Variants in SNRNP48 observed in about 807,000 individuals in gnomAD.
The protein encoded by SNRNP48 is U11/U12 small nuclear ribonucleoprotein 48 kDa protein.
In SNRNP48, 43 loss-of-function variants were observed where a neutral mutation model predicts 47.0. That is an observed-to-expected ratio of 0.92 (90% CI 0.72 to 1.18). The LOEUF (loss-of-function observed/expected upper bound fraction) is 1.18. SNRNP48 is among the 50% of genes most tolerant of loss of function. SNRNP48 has a pLI of 0.00. For synonymous variants in SNRNP48, 138 were observed against 144.0 expected (o/e 0.96, Z 0.30); for missense variants, 396 against 422.2 (o/e 0.94, Z 0.54).
intron 6 of SNRNP48, among the ~76,000 whole-genome samples, chr6:7,604,341 A>G (rs556501360): frequency 3.2e-4 from 49 of 152,346 alleles, no homozygotes; most frequent in African/African-American, 1.1e-3. Context: ...TCCGGGTGGA[A>G]GAACTAGCAT....
Position 7,605,437 on chromosome 6 carries a change from A to G in SNRNP48, c.757A>G (p.Ser253Gly), listed in dbSNP as rs1760108053. The change falls in exon 7 of 9, where the codon AGC becomes GGC. Residue 253 changes from serine to glycine, a missense_variant. Ser to Gly is a moderately conservative substitution (Grantham distance 56). Transcript: ENST00000342415. ...GATAAATGTGCACATGGAAGAACTC[A>G]GCAATCATTGGCAAGAAGAGCAAGA... is the stretch of plus-strand genomic sequence containing the variant. ...DVINVHMEEL[S>G]NHWQEEQEKA... The G allele has an allele frequency of 1.9e-5, 30 of 1,614,056 alleles. No individual in the cohort carries two copies. Among genetic ancestry groups the G allele is most frequent in the Non-Finnish European group, 2.5e-5 (29 of 1,180,018 alleles).
At chr6:7,597,810 T>G (rs1759929588) in intron 4 of SNRNP48, among the ~76,000 whole-genome samples, 1 of 152,046 alleles carries the variant, frequency 6.6e-6, no homozygotes, top group African/African-American at 2.4e-5. Flanking sequence ...TAAGAGGAAC[T>G]TTAATTTTGA....
chr6:7,607,980 C>T (rs1347747135), intron 8 of SNRNP48, among the ~76,000 whole-genome samples: 2 of 152,136 alleles, frequency 1.3e-5, no homozygotes, highest in Non-Finnish European at 1.5e-5. Context: ...AACTATAGTG[C>T]TTCTTCTACT....
intron 4 of SNRNP48, chr6:7,599,689 A>G (rs899905056): frequency 7.8e-7 from 1 of 1,285,040 alleles, no homozygotes; most frequent in Non-Finnish European, 1.0e-6. Context: ...GGGTGAGTAT[A>G]AAGAGGAATT....
chr6:7,601,121 C>T (rs1340652333), intron 4 of SNRNP48: 1 of 399,548 alleles, frequency 2.5e-6, no homozygotes, highest in East Asian at 4.4e-5. Context: ...TAGCAAACAT[C>T]CATAATACAT....
At position 7,608,903 on chromosome 6, in the gene SNRNP48, C is replaced by A; in HGVS notation, c.*30C>A. 7.8e-7 allele frequency: 1 copy of A among 1,278,516 alleles called. No individual in the cohort carries two copies. Among genetic ancestry groups the A allele is most frequent in the Non-Finnish European group, 1.1e-6 (1 of 924,842 alleles). 79.2% of individuals were successfully genotyped at this position (1,278,516 alleles called of 1,614,324 possible). On this transcript the variant is annotated 3_prime_UTR_variant, in exon 9 of 9. Coordinates refer to ENST00000342415, the MANE Select transcript of SNRNP48 (RefSeq NM_152551.4). The stretch of plus-strand genomic sequence containing the variant: ...AGTACTTGTACCTATATTAATTATG[C>A]TTACGCCATGATAACCAATATACAG...
rs1352148566 is a variant in SNRNP48 at position 7,603,004 on chromosome 6, G to A, written c.717+260G>A. Among the ~76,000 whole-genome samples, 4 of 152,292 alleles carry A rather than the reference G, an allele frequency of 2.6e-5. No individual in the cohort carries two copies. The East Asian group carries it at 5.8e-4, about 22-fold the overall frequency. On this transcript the variant is annotated intron_variant, in intron 6 of 8. Coordinates refer to ENST00000342415, the MANE Select transcript of SNRNP48 (RefSeq NM_152551.4). ...AAAGTAGTAGTGTATCATGGTAAGA[G>A]CATGAGTTTGGGTTTAGGTAGACCA...
chr6:7,595,205 T>C (rs1424524964), intron 4 of SNRNP48, 104 bp downstream of exon 4: 1 of 956,286 alleles, frequency 1.0e-6, no homozygotes, highest in Admixed American at 3.1e-5. Flanking sequence ...AACTGTTACA[T>C]GGGAAAGGTA....
chr6:7,597,915 G>T (rs1759933852), intron 4 of SNRNP48, among the ~76,000 whole-genome samples: 1 of 149,454 alleles, frequency 6.7e-6, no homozygotes, highest in Non-Finnish European at 1.5e-5. Context: ...GCCCAGGCTG[G>T]AGTTTAGTGG....
chr6:7,602,661 C>G lies in SNRNP48; in HGVS notation c.634C>G (p.Leu212Val). ...AAGTCCAAAATCCTACCTTGAAATC[C>G]TGGCAGAAGTACGAGATTATAAAAG... is the stretch of plus-strand genomic sequence containing the variant. ...RKSPKSYLEILAEVRDYKRRR... is the reference protein window; with the variant it reads ...RKSPKSYLEIVAEVRDYKRRR... Residue 212 changes from leucine to valine, a missense_variant, in exon 6 of 9, where the codon CTG becomes GTG. Leu to Val is a conservative substitution (Grantham distance 32). Transcript: ENST00000342415. The G allele has an allele frequency of 6.2e-7, 1 of 1,603,584 alleles. No individual in the cohort carries two copies. Among genetic ancestry groups the G allele is most frequent in the Non-Finnish European group, 8.5e-7 (1 of 1,175,970 alleles).
intron 4 of SNRNP48, among the ~76,000 whole-genome samples, 192 bp downstream of exon 4, chr6:7,595,293 G>C (rs932199733): frequency 1.3e-5 from 2 of 152,130 alleles, no homozygotes; most frequent in Admixed American, 1.3e-4. Flanking sequence ...AGATACACCA[G>C]AGTCTCACTA....
In SNRNP48 at chr6:7,594,148, C is replaced by T. The variant is rs1201142181; in HGVS notation, c.320C>T (p.Ser107Leu). The part of the protein sequence containing the change: ...EFFYENVKIP[S>L]ITLNKDSQFQ... ...TTCTATGAAAATGTGAAGATACCTT[C>T]GATTACTTTGAGTAAGTATTAAGTT... Residue 107 changes from serine (S) to leucine (L), a missense_variant, in exon 3 of 9, where the codon TCG (serine) becomes TTG (leucine). Physicochemically the swap from Ser to Leu is moderately radical, Grantham distance 145. Transcript: ENST00000342415. 8 of 1,384,726 alleles carry T rather than the reference C, an allele frequency of 5.8e-6. No individual in the cohort carries two copies. The highest frequency in any genetic ancestry group is 2.5e-5 in the East Asian group (1 of 39,776). 85.8% of individuals were successfully genotyped at this position (1,384,726 alleles called of 1,614,324 possible). A position where few individuals can be genotyped will look rare whatever the true frequency, so the allele number is the denominator to read the frequency against.
In SNRNP48 at chr6:7,601,400, T is replaced by C; in HGVS notation, c.471T>C (p.Thr157=). The C allele has an allele frequency of 6.3e-6, 10 of 1,599,978 alleles. No homozygotes were observed. The highest frequency in any genetic ancestry group is 8.5e-6 in the Non-Finnish European group (10 of 1,177,144). The change falls in exon 5 of 9, where the codon ACT becomes ACC. Residue 157 remains threonine, a synonymous_variant. Transcript: ENST00000342415. ...LNHKRFVCDL[T]QADRLALYDF... ...ACAAACGGTTTGTTTGTGATCTAAC[T>C]CAAGCTGATCGTCTTGCCCTCTATG...
At chr6:7,602,854 T>TG (rs1164004698) in intron 6 of SNRNP48, 110 bp downstream of exon 6, 26 of 943,226 alleles carry the variant, frequency 2.8e-5, no homozygotes, top group Non-Finnish European at 3.9e-5. Flanking sequence ...GTCTTCAGGG[T>TG]GGCCACACCT....
chr6:7,599,344 T>G (rs1759969255), intron 4 of SNRNP48, among the ~76,000 whole-genome samples: 1 of 152,130 alleles, frequency 6.6e-6, no homozygotes, highest in Admixed American at 6.5e-5. Context: ...GTTCTAGAGA[T>G]GGATAGAGGT....
intron 7 of SNRNP48, 34 bp downstream of exon 7, chr6:7,605,520 C>G: frequency 4.5e-6 from 7 of 1,560,224 alleles, no homozygotes; most frequent in Non-Finnish European, 6.2e-6. Flanking sequence ...AAAATACTCT[C>G]TCTTTGATAA....
chr6:7,599,450 C>A (rs1759972640), intron 4 of SNRNP48, among the ~76,000 whole-genome samples: 1 of 152,070 alleles, frequency 6.6e-6, no homozygotes. Flanking sequence ...CCACAAAAAA[C>A]CTGCAAAAAC....
rs1760223867 is a variant in SNRNP48 at position 7,610,971 on chromosome 6, A to G, written c.*2098A>G. 6.6e-6 allele frequency: 1 copy of G among 152,222 alleles called. No homozygotes were observed. Among genetic ancestry groups the G allele is most frequent in the Non-Finnish European group, 1.5e-5 (1 of 68,044 alleles). 9.4% of individuals were successfully genotyped at this position (152,222 alleles called of 1,614,324 possible). On this transcript the variant is annotated 3_prime_UTR_variant, in exon 9 of 9. Coordinates refer to ENST00000342415, the MANE Select transcript of SNRNP48 (RefSeq NM_152551.4). Reference sequence around the variant, plus strand: ...AAAAGCATTTTCACAGCCCTGCCACATAAGATCTAGTTTTTATTTCTAGAG... The same window carrying G: ...AAAAGCATTTTCACAGCCCTGCCACGTAAGATCTAGTTTTTATTTCTAGAG...
rs1760108552 is a variant in SNRNP48, at chr6:7,605,471, A to C, written c.791A>C (p.Glu264Ala). 1 of 1,614,058 alleles carries C rather than the reference A, an allele frequency of 6.2e-7. No homozygotes were observed. The highest frequency in any genetic ancestry group is 8.5e-7 in the Non-Finnish European group (1 of 1,179,938). Residue 264 changes from glutamate to alanine, a missense_variant, in exon 7 of 9, where the codon GAG (glutamate) becomes GCG (alanine). Coordinates refer to ENST00000342415, the MANE Select transcript of SNRNP48 (RefSeq NM_152551.4). The part of the protein sequence containing the change: ...NHWQEEQEKA[E>A]DDAEKNEERR... ...TGGCAAGAAGAGCAAGAGAAGGCAG[A>C]GGATGATGCCGAAAAGTACGTCATT...
Sources: allele counts gnomAD v4.1 joint callset (sites outside exome capture counted in the v4.1 genomes callset), GRCh38; gene constraint gnomAD v4.1.1; transcripts MANE v1.5; gene names NCBI Gene and HGNC (gene_info 2026-07-23, HGNC 2026-07-21).